NAALADL2: variants seen among roughly 807,000 people sequenced by gnomAD.
The protein encoded by NAALADL2 is inactive N-acetylated-alpha-linked acidic dipeptidase-like protein 2.
Under a neutral mutation model 87.2 loss-of-function variants are expected in NAALADL2, and 76 were observed. That is an observed-to-expected ratio of 0.87 (90% CI 0.72 to 1.05). The LOEUF is 1.05. Ranked by LOEUF, NAALADL2 falls within the 50% of genes least tolerant of loss-of-function variation. The pLI is 0.00. For missense variants in NAALADL2, 1,089 were observed against 945.8 expected, an observed-to-expected ratio of 1.15 and a Z score of -1.99; for synonymous variants, 354 against 331.0, an observed-to-expected ratio of 1.07 and a Z score of -0.75.
intron 3 of NAALADL2, among the ~76,000 whole-genome samples, chr3:174,808,825 C>T (rs1294638994): frequency 1.3e-5 from 2 of 150,800 alleles, no homozygotes; most frequent in Non-Finnish European, 3.0e-5. Flanking sequence ...TTTGTGTGTG[C>T]ACATGCATGT....
intron 5 of NAALADL2, chr3:175,369,507 G>T (rs1394131014): frequency 6.6e-6 from 1 of 152,028 alleles, no homozygotes; most frequent in Non-Finnish European, 1.5e-5. Context: ...GTATGTGTGT[G>T]CCTGTGTGCG....
chr3:175,195,690 A>G (rs1172099497), intron 2 of NAALADL2, among the ~76,000 whole-genome samples: 2 of 151,954 alleles, frequency 1.3e-5, no homozygotes, highest in Non-Finnish European at 2.9e-5. Context: ...CTCAAAGATC[A>G]TCTATCAGAA....
chr3:174,784,142 C>T (rs149702252), intron 3 of NAALADL2, among the ~76,000 whole-genome samples: 5 of 152,156 alleles, frequency 3.3e-5, no homozygotes, highest in South Asian at 2.1e-4. Context: ...TTCTGCAACA[C>T]GTATTTTTTA....
rs375427981 is a variant in NAALADL2 at position 175,250,618 on chromosome 3, T to C, written c.820-5793T>C. Among the ~76,000 whole-genome samples the C allele has an allele frequency of 2.0e-5, 3 of 152,172 alleles. No homozygotes were observed. In the East Asian group the frequency reaches 5.8e-4, roughly 29 times the overall value. On this transcript the variant is annotated intron_variant, in intron 3 of 13. Transcript: ENST00000454872. ...TCTAGTGGCCACCAAATGCCCATTG[T>C]TCCTTCCAATGAAAAGACCTTCTGA...
At chr3:175,031,742 A>G (rs1040229374) in intron 1 of NAALADL2, among the ~76,000 whole-genome samples, 5 of 152,114 alleles carry the variant, frequency 3.3e-5, no homozygotes, top group Admixed American at 2.0e-4. Context: ...CCAACAGTGT[A>G]TAAGCATTCC....
At chr3:175,674,328 C>T (rs1333764663) in intron 11 of NAALADL2, among the ~76,000 whole-genome samples, 4 of 150,984 alleles carry the variant, frequency 2.6e-5, no homozygotes, top group African/African-American at 9.8e-5. Flanking sequence ...GGCGCGATCT[C>T]GGCTCACTGC....
chr3:174,729,584 A>C (rs1016541872), intron 2 of NAALADL2, among the ~76,000 whole-genome samples: 1 of 152,056 alleles, frequency 6.6e-6, no homozygotes, highest in African/African-American at 2.4e-5. Flanking sequence ...TGTGTTATAC[A>C]TCATGCTAGG....
intron 1 of NAALADL2, among the ~76,000 whole-genome samples, chr3:174,878,800 A>T (rs1209773720): frequency 6.6e-6 from 1 of 152,078 alleles, no homozygotes; most frequent in Non-Finnish European, 1.5e-5. Flanking sequence ...CTCAGAAGAC[A>T]TGTGAGATAA....
intron 2 of NAALADL2, among the ~76,000 whole-genome samples, chr3:174,635,317 G>A (rs775199900): frequency 6.6e-6 from 1 of 152,068 alleles, no homozygotes; most frequent in Non-Finnish European, 1.5e-5. Flanking sequence ...TAAAAGGTAA[G>A]GATTATATTT....
chr3:175,369,619 C>T (rs78831152), intron 5 of NAALADL2: 16,490 of 151,700 alleles, frequency 0.11, 1,028 homozygotes, highest in South Asian at 0.14. Flanking sequence ...TATAGGTAGC[C>T]TGTGTGTGTG....
At chr3:175,326,049 A>G (rs1215535319) in intron 5 of NAALADL2, among the ~76,000 whole-genome samples, 1 of 152,074 alleles carries the variant, frequency 6.6e-6, no homozygotes, top group Non-Finnish European at 1.5e-5. Flanking sequence ...CACTTCTTTC[A>G]TTTTACTGTA....
intron 1 of NAALADL2, among the ~76,000 whole-genome samples, chr3:174,930,613 A>AATTTTTTTTTTTTTT (rs1188907600): frequency 1.0e-5 from 1 of 99,792 alleles, no homozygotes. Flanking sequence ...AATAAGATGA[A>AATTTTTTTTTTTTTT]CTTTTTTTTT....
intron 3 of NAALADL2, among the ~76,000 whole-genome samples, chr3:174,738,845 A>G (rs1733478009): frequency 6.6e-6 from 1 of 152,156 alleles, no homozygotes; most frequent in Non-Finnish European, 1.5e-5. Flanking sequence ...TTTATAGTAC[A>G]TTTGGGGAAA....
At chr3:175,054,723 G>T (rs1029914522) in intron 1 of NAALADL2, among the ~76,000 whole-genome samples, 25 of 152,130 alleles carry the variant, frequency 1.6e-4, no homozygotes, top group African/African-American at 5.6e-4. Context: ...TGGGAACTTT[G>T]TCTTTCCCCT....
chr3:174,646,933 T>C (rs528060687), intron 2 of NAALADL2, among the ~76,000 whole-genome samples: 84 of 152,154 alleles, frequency 5.5e-4, no homozygotes, highest in Non-Finnish European at 9.4e-4. Flanking sequence ...TATTCTCTGC[T>C]TGCATTTCAG....
chr3:175,095,949 G>A (rs775862662), intron 1 of NAALADL2, among the ~76,000 whole-genome samples: 1 of 152,012 alleles, frequency 6.6e-6, no homozygotes, highest in African/African-American at 2.4e-5. Context: ...ATACCACTTG[G>A]CAGGATACAA....
intron 12 of NAALADL2, among the ~76,000 whole-genome samples, chr3:175,744,248 C>G (rs985306041): frequency 1.3e-5 from 2 of 152,170 alleles, no homozygotes; most frequent in African/African-American, 4.8e-5. Context: ...GATTTTCACT[C>G]CAAGCCAGAC....
intron 3 of NAALADL2, among the ~76,000 whole-genome samples, chr3:174,787,576 C>CATATATATATATATATATATATAAATAT: frequency 6.8e-5 from 1 of 14,734 alleles, no homozygotes; most frequent in South Asian, 2.8e-3. Context: ...AATATATCAT[C>CATATATATATATATATATATATAAATAT]ATATATATAT....
intron 2 of NAALADL2, among the ~76,000 whole-genome samples, chr3:175,104,095 A>AT (rs1296166804): frequency 2.0e-5 from 3 of 151,916 alleles, no homozygotes; most frequent in Non-Finnish European, 4.4e-5. Flanking sequence ...CAGTTTTCTC[A>AT]TTTTTTTAAT....
Sources: gnomAD v4.1 joint callset for allele counts (sites outside exome capture counted in the v4.1 genomes callset) on GRCh38, gnomAD v4.1.1 for gene constraint, MANE v1.5 for transcripts, NCBI Gene and HGNC (gene_info 2026-07-23, HGNC 2026-07-21) for gene names.